The following CEP295 variants were observed in gnomAD, a reference collection of about 807,000 sequenced individuals.
CEP295 encodes the protein centrosomal protein 295, also known as centrosomal protein of 295 kDa.
Under a neutral mutation model 291.6 loss-of-function variants are expected in CEP295, and 190 were observed. That is an observed-to-expected ratio of 0.65 (90% CI 0.58 to 0.73). The LOEUF is 0.73. Ranked by LOEUF, CEP295 falls within the 30% of genes least tolerant of loss-of-function variation. CEP295 has a pLI of 0.00. For synonymous variants in CEP295, 993 were observed against 1,038.8 expected (o/e 0.96, Z 0.85); for missense variants, 2,863 against 2,949.4 (o/e 0.97, Z 0.68).
intron 3 of CEP295, among the ~76,000 whole-genome samples, chr11:93,668,299 C>G (rs1473931080): frequency 6.6e-6 from 1 of 152,160 alleles, no homozygotes; most frequent in Admixed American, 6.5e-5. Context: ...GAAGGTAAAT[C>G]TTTGATAACA....
intron 9 of CEP295, among the ~76,000 whole-genome samples, chr11:93,686,694 T>C (rs1463314839): frequency 6.6e-6 from 1 of 152,146 alleles, no homozygotes; most frequent in Non-Finnish European, 1.5e-5. Context: ...TCTGTGATCT[T>C]GGGGTTAAAG....
At chr11:93,701,565 T>A (rs1952158862) in intron 15 of CEP295, among the ~76,000 whole-genome samples, 1 of 152,078 alleles carries the variant, frequency 6.6e-6, no homozygotes, top group Non-Finnish European at 1.5e-5. Flanking sequence ...TATGGAAAGA[T>A]GAAATGGAGG....
rs755968314 is a variant in CEP295, at chr11:93,730,144, A to C, written c.7763A>C (p.His2588Pro). 3.9e-6 allele frequency: 6 copies of C among 1,551,014 alleles called. No homozygotes were observed. The highest frequency in any genetic ancestry group is 5.2e-6 in the Non-Finnish European group (6 of 1,146,824). ...AQNRARAKEF[H>P]KKTLEKLRAK... ...AACAGAGCAAGGGCAAAAGAATTCC[A>C]TAAGGTGAGTATAACTGAGGGAGAA... The change falls in exon 29 of 30, where the codon CAT (histidine) becomes CCT (proline). Residue 2588 changes from histidine to proline, a missense_variant. By Grantham distance (77) the His-to-Pro change is moderately conservative (BLOSUM62 -2). This residue lies in a region of CEP295 where 2,295 missense variants were observed against 2,335.7 expected (regional missense o/e 0.98). Transcript: ENST00000325212.
At chr11:93,670,940 T>C (rs1221737328) in intron 5 of CEP295, among the ~76,000 whole-genome samples, 1 of 152,168 alleles carries the variant, frequency 6.6e-6, no homozygotes, top group Non-Finnish European at 1.5e-5. Flanking sequence ...TGGAGTGCAG[T>C]GGTGCAATCT....
At chr11:93,729,310 AGACCCAGCTAAGATT>A in intron 25 of CEP295, 109 bp from the exon 26 acceptor site, 1 of 692,840 alleles carries the variant, frequency 1.4e-6, no homozygotes, top group South Asian at 1.7e-5. Context: ...GGGTCTCTGT[AGACCCAGCTAAGATT>A]GAGGCTGCAG....
At chr11:93,725,926 AC>A (rs1326505515) in intron 23 of CEP295, 95 bp downstream of exon 23, 3 of 964,340 alleles carry the variant, frequency 3.1e-6, no homozygotes, top group Non-Finnish European at 4.7e-6. Context: ...GTTTGTCTTC[AC>A]CCCTGCTCTC....
intron 13 of CEP295, 68 bp downstream of exon 13, chr11:93,695,702 T>TG: frequency 6.9e-7 from 1 of 1,457,170 alleles, no homozygotes; most frequent in Non-Finnish European, 8.9e-7. Flanking sequence ...TATGAGCACT[T>TG]GTAGCGTTTA....
chr11:93,721,284 A>C (rs573523266), intron 18 of CEP295, 28 bp from the exon 19 acceptor site: 5 of 1,359,228 alleles, frequency 3.7e-6, no homozygotes, highest in Non-Finnish European at 5.2e-6. Flanking sequence ...TTTTTCTCCC[A>C]TCTTGAACTC....
chr11:93,693,752 CA>C (rs901570596), intron 12 of CEP295, among the ~76,000 whole-genome samples: 14 of 147,054 alleles, frequency 9.5e-5, no homozygotes, highest in Admixed American at 1.4e-4. Context: ...GAAACTATCT[CA>C]AAAAAAAAGA....
chr11:93,687,900 C>CTTTTTTATAGAAGG, intron 10 of CEP295, 35 bp downstream of exon 10: 1 of 1,440,782 alleles, frequency 6.9e-7, no homozygotes, highest in East Asian at 2.5e-5. Context: ...TTCTATAAAC[C>CTTTTTTATAGAAGG]CTTTTAAGTT....
Position 93,686,583 on chromosome 11 carries a change from G to A in CEP295, c.1115-1061G>A, listed in dbSNP as rs771079924. On this transcript the variant is annotated intron_variant, in intron 9 of 29. Coordinates refer to ENST00000325212, the MANE Select transcript of CEP295 (RefSeq NM_033395.2). ...GAATTTACTTCTTAAAAATGAGTGG[G>A]TTGTGGACTAATGGTAAATGAAAGA... 6.4e-4 allele frequency among the ~76,000 whole-genome samples: 98 copies of A among 152,124 alleles called. 1 individual carries two copies. Among genetic ancestry groups the A allele is most frequent in the Admixed American group, 2.0e-4 (3 of 15,268 alleles).
Position 93,729,417 on chromosome 11 carries a change from A to G in CEP295, c.7303-17A>G, listed in dbSNP as rs769199052. ...AGCGTTTAAAAAGAGTAAAACATGC[A>G]ACTTTCTTGCCATTAGGTGAGTGAG... On this transcript the variant is annotated splice_polypyrimidine_tract_variant and intron_variant, in intron 25 of 29. Transcript: ENST00000325212. The G allele has an allele frequency of 8.2e-5, 124 of 1,515,546 alleles. No individual in the cohort carries two copies. Among genetic ancestry groups the G allele is most frequent in the Non-Finnish European group, 1.1e-4 (120 of 1,114,154 alleles). The allele number at this position is 1,515,546 out of a possible 1,614,324, so 93.9% of individuals were successfully genotyped here. A position where few individuals can be genotyped will look rare whatever the true frequency, so the allele number is the denominator to read the frequency against.
chr11:93,700,685 T>G (rs1177301335), intron 15 of CEP295, among the ~76,000 whole-genome samples: 1 of 152,076 alleles, frequency 6.6e-6, no homozygotes, highest in Non-Finnish European at 1.5e-5. Flanking sequence ...CCACCACACC[T>G]GACCCAAAGC....
At chr11:93,721,665 G>GGGGT (rs778194462) in intron 19 of CEP295, 1 of 570,460 alleles carries the variant, frequency 1.8e-6, no homozygotes, top group Non-Finnish European at 3.3e-6. Flanking sequence ...GCATATGTCT[G>GGGGT]GTGTGTGTGT....
intron 24 of CEP295, 149 bp from the exon 25 acceptor site, chr11:93,728,532 G>C (rs1937724789): frequency 1.1e-5 from 6 of 568,364 alleles, no homozygotes; most frequent in Admixed American, 3.7e-5. Flanking sequence ...AAGGAAATCT[G>C]ATCTGTTGGT....
At chr11:93,685,438 C>T (rs544854356) in intron 9 of CEP295, among the ~76,000 whole-genome samples, 1 of 152,314 alleles carries the variant, frequency 6.6e-6, no homozygotes, top group African/African-American at 2.4e-5. Flanking sequence ...ATGTAGGCCT[C>T]CTATTAGACT....
chr11:93,722,080 T>G (rs1953774169), intron 20 of CEP295, 30 bp downstream of exon 20: 3 of 1,337,994 alleles, frequency 2.2e-6, no homozygotes, highest in Non-Finnish European at 3.1e-6. Context: ...TATAAATAAG[T>G]TGAAAGACCG....
chr11:93,721,440 T>C (rs749867723), intron 19 of CEP295, 28 bp downstream of exon 19: 162 of 1,349,588 alleles, frequency 1.2e-4, no homozygotes, highest in Non-Finnish European at 1.7e-4. Context: ...GTTCACTCGA[T>C]TTTTAGAGCT....
At chr11:93,695,301 T>C (rs567939104) in intron 12 of CEP295, among the ~76,000 whole-genome samples, 196 bp from the exon 13 acceptor site, 2 of 152,352 alleles carry the variant, frequency 1.3e-5, no homozygotes, top group East Asian at 3.9e-4. Flanking sequence ...TCCCTTTTTC[T>C]CTTTTTCCCA....
Sources: allele counts gnomAD v4.1 joint callset (sites outside exome capture counted in the v4.1 genomes callset), GRCh38; gene constraint gnomAD v4.1.1; regional missense constraint gnomAD v4.1.1; transcripts MANE v1.5; gene names NCBI Gene and HGNC (gene_info 2026-07-23, HGNC 2026-07-21).